ABCB5: variants seen among roughly 807,000 people sequenced by gnomAD.
ABCB5 encodes the protein ATP binding cassette subfamily B member 5.
In ABCB5, 155 loss-of-function variants were observed where a neutral mutation model predicts 144.2. The observed-to-expected ratio is 1.08, with a 90% CI of 0.94 to 1.23. The LOEUF is 1.23. Among genes scored for constraint, ABCB5 ranks in the 50% most tolerant of loss-of-function variants. The pLI, the probability that ABCB5 is intolerant of heterozygous loss-of-function variation, is 0.00. For missense variants in ABCB5, 1,830 were observed against 1,520.8 expected (o/e 1.20, Z -3.38); for synonymous variants, 610 against 528.6 (o/e 1.15, Z -2.11).
chr7:20,738,745 G>C (rs1350678316), intron 23 of ABCB5, among the ~76,000 whole-genome samples: 1 of 152,142 alleles, frequency 6.6e-6, no homozygotes, highest in Non-Finnish European at 1.5e-5. Context: ...GCTCTAATTG[G>C]AAGAGACATT....
intron 19 of ABCB5, 83 bp from the exon 20 acceptor site, chr7:20,704,641 T>C (rs1786756571): frequency 1.1e-5 from 12 of 1,071,312 alleles, no homozygotes; most frequent in Non-Finnish European, 1.7e-5. Flanking sequence ...AGGTAAATGT[T>C]TTCTGATTTA....
intron 7 of ABCB5, among the ~76,000 whole-genome samples, chr7:20,645,111 T>C (rs1784373972): frequency 6.6e-6 from 1 of 152,210 alleles, no homozygotes; most frequent in Admixed American, 6.5e-5. Flanking sequence ...CCAGTGAAGG[T>C]CAGAGTTATC....
intron 20 of ABCB5, among the ~76,000 whole-genome samples, chr7:20,714,613 T>C (rs1583445136): frequency 6.6e-6 from 1 of 152,340 alleles, no homozygotes; most frequent in African/African-American, 2.4e-5. Context: ...GTTTGTGGCT[T>C]GTTCTCGGTC....
intron 16 of ABCB5, among the ~76,000 whole-genome samples, chr7:20,696,618 G>C (rs1167626467): frequency 2.6e-5 from 4 of 152,070 alleles, no homozygotes; most frequent in Admixed American, 2.0e-4. Context: ...GCTCTAAGCT[G>C]TATCAAATGA....
intron 13 of ABCB5, among the ~76,000 whole-genome samples, chr7:20,652,785 C>G (rs1481044320): frequency 6.6e-6 from 1 of 152,132 alleles, no homozygotes; most frequent in Non-Finnish European, 1.5e-5. Flanking sequence ...TGCGGAGCAC[C>G]TTGTTACATA....
chr7:20,698,739 T>A (rs1786509241), intron 17 of ABCB5, among the ~76,000 whole-genome samples, 189 bp downstream of exon 17: 1 of 152,194 alleles, frequency 6.6e-6, no homozygotes, highest in African/African-American at 2.4e-5. Flanking sequence ...TTGTAAAGTG[T>A]GTGGCCGGGC....
chr7:20,686,558 C>A (rs1047269459), intron 16 of ABCB5, among the ~76,000 whole-genome samples: 16 of 152,148 alleles, frequency 1.1e-4, no homozygotes, highest in African/African-American at 3.9e-4. Context: ...CTTAATCTCA[C>A]CTTAACCCAT....
chr7:20,643,232 TTACA>T lies in ABCB5; in HGVS notation c.368_371del (p.Ile123ArgfsTer7), dbSNP rs1784330911. 6.2e-7 allele frequency: 1 copy of T among 1,613,448 alleles called. No individual in the cohort carries two copies. Among genetic ancestry groups the T allele is most frequent in the Non-Finnish European group, 8.5e-7 (1 of 1,179,676 alleles). On this transcript the variant is annotated frameshift_variant, in exon 6 of 28. Transcript: ENST00000404938. LOFTEE classifies it high-confidence loss of function. ...TAGGTGTTGCTGCCTTGATTTTTGG[TTACA>T]TACAGATTTCCTTGTGGATTATAAC...
At chr7:20,704,907 A>T in intron 20 of ABCB5, 100 bp downstream of exon 20, 2 of 897,780 alleles carry the variant, frequency 2.2e-6, no homozygotes, top group Non-Finnish European at 3.3e-6. Context: ...TGCTGAGATG[A>T]CCCACATCAT....
chr7:20,644,286 C>T (rs1384644864), intron 7 of ABCB5, among the ~76,000 whole-genome samples: 1 of 152,032 alleles, frequency 6.6e-6, no homozygotes, highest in Non-Finnish European at 1.5e-5. Context: ...ACCATGTTGC[C>T]CAGGCTGATC....
intron 9 of ABCB5, 68 bp from the exon 10 acceptor site, chr7:20,647,467 A>G: frequency 6.7e-7 from 1 of 1,483,734 alleles, no homozygotes; most frequent in East Asian, 2.5e-5. Context: ...CAATAATTAT[A>G]TATTACATTC....
Position 20,723,001 on chromosome 7 carries a change from T to C in ABCB5, c.2422-15T>C. ...GTTAATTGAGTTTTTTCCCCCAAAA[T>C]ATGTCTGATTATAGGCAACAGGTTC... is the stretch of plus-strand genomic sequence containing the variant. On this transcript the variant is annotated splice_polypyrimidine_tract_variant and intron_variant, in intron 20 of 27. Coordinates refer to ENST00000404938, the MANE Select transcript of ABCB5 (RefSeq NM_001163941.2). The C allele has an allele frequency of 6.2e-7, 1 of 1,612,882 alleles. No homozygotes were observed. The highest frequency in any genetic ancestry group is 8.5e-7 in the Non-Finnish European group (1 of 1,178,986).
At chr7:20,661,138 T>G (rs553570059) in intron 14 of ABCB5, among the ~76,000 whole-genome samples, 4 of 152,314 alleles carry the variant, frequency 2.6e-5, no homozygotes, top group African/African-American at 9.6e-5. Flanking sequence ...GTACTTCAAC[T>G]TCAAATCATC....
chr7:20,625,129 A>AT (rs1289042596), intron 2 of ABCB5, among the ~76,000 whole-genome samples: 2 of 152,160 alleles, frequency 1.3e-5, no homozygotes, highest in Admixed American at 6.6e-5. Context: ...GAGGAAAGGG[A>AT]TTGTAGGGTT....
chr7:20,682,823 T>C (rs898407901), intron 15 of ABCB5, among the ~76,000 whole-genome samples: 1 of 152,188 alleles, frequency 6.6e-6, no homozygotes, highest in Admixed American at 6.5e-5. Flanking sequence ...GGCATGATGA[T>C]GCTGGAGGCA....
intron 14 of ABCB5, among the ~76,000 whole-genome samples, chr7:20,660,629 C>T (rs1306255002): frequency 6.6e-6 from 1 of 152,108 alleles, no homozygotes; most frequent in Admixed American, 6.5e-5. Context: ...TGGAGGGGGC[C>T]CTGGGTAAGA....
chr7:20,639,620 T>C (rs954291601), intron 5 of ABCB5, among the ~76,000 whole-genome samples: 1 of 152,224 alleles, frequency 6.6e-6, no homozygotes. Context: ...CTCAATTAAA[T>C]TGCCTTGGCA....
intron 5 of ABCB5, among the ~76,000 whole-genome samples, chr7:20,635,052 T>G (rs534077899): frequency 4.5e-4 from 69 of 152,306 alleles, no homozygotes; most frequent in African/African-American, 1.5e-3. Context: ...AATTTAAGTC[T>G]TTAATCCATC....
intron 11 of ABCB5, among the ~76,000 whole-genome samples, chr7:20,648,283 G>A (rs963090640): frequency 2.6e-5 from 4 of 152,114 alleles, no homozygotes; most frequent in African/African-American, 9.7e-5. Flanking sequence ...ATATTCAACT[G>A]ACTAAAGCAT....
Sources: allele counts gnomAD v4.1 joint callset (sites outside exome capture counted in the v4.1 genomes callset), GRCh38; gene constraint gnomAD v4.1.1; transcripts MANE v1.5; gene names NCBI Gene and HGNC (gene_info 2026-07-23, HGNC 2026-07-21).